Variants in TUBD1 observed in about 807,000 individuals in gnomAD.
The protein encoded by TUBD1 is tubulin delta 1.
A neutral mutation model predicts 51.2 loss-of-function variants in TUBD1; 38 were observed. The observed-to-expected ratio is 0.74, with a 90% CI of 0.57 to 0.97. TUBD1 has a LOEUF of 0.97. Among genes scored for constraint, TUBD1 ranks in the 50% least tolerant of loss-of-function variants. TUBD1 has a pLI of 0.00. For missense variants in TUBD1, 489 were observed against 538.4 expected, an observed-to-expected ratio of 0.91 and a Z score of 0.91; for synonymous variants, 169 against 178.2, an observed-to-expected ratio of 0.95 and a Z score of 0.41.
At chr17:59,889,663 T>C (rs2040899655) in intron 2 of TUBD1, among the ~76,000 whole-genome samples, 1 of 113,284 alleles carries the variant, frequency 8.8e-6, no homozygotes, top group Non-Finnish European at 1.8e-5. Context: ...AGCTAGACTC[T>C]GTCTCAAAAA....
At chr17:59,867,656 C>T (rs2039769555) in intron 6 of TUBD1, among the ~76,000 whole-genome samples, 1 of 152,126 alleles carries the variant, frequency 6.6e-6, no homozygotes, top group African/African-American at 2.4e-5. Context: ...CCACTGCACT[C>T]CAGCCTGGGT....
At chr17:59,871,337 C>T (rs1479597884) in intron 6 of TUBD1, among the ~76,000 whole-genome samples, 1 of 151,982 alleles carries the variant, frequency 6.6e-6, no homozygotes, top group African/African-American at 2.4e-5. Context: ...GTAGCTGGGA[C>T]TACAGGCGCC....
Position 59,874,582 on chromosome 17 carries a change from C to CCA in TUBD1, c.890_891insTG (p.Lys297AsnfsTer4). On this transcript the variant is annotated frameshift_variant, in exon 6 of 9. Coordinates refer to ENST00000325752, the MANE Select transcript of TUBD1 (RefSeq NM_016261.4). LOFTEE classifies it high-confidence loss of function. ...TAGAAATGAGCATCTGTCTCAAATG[C>CCA]TTGAGGAGGCCAGCCCAAGTAAATG... 1 of 1,613,230 alleles carries CCA rather than the reference C, an allele frequency of 6.2e-7. No individual in the cohort carries two copies. The highest frequency in any genetic ancestry group is 8.5e-7 in the Non-Finnish European group (1 of 1,179,874).
intron 8 of TUBD1, among the ~76,000 whole-genome samples, chr17:59,860,955 C>G (rs994013336): frequency 4.0e-5 from 6 of 151,866 alleles, no homozygotes; most frequent in African/African-American, 1.5e-4. Context: ...AGGAGAGGCA[C>G]CCGGGAAAGA....
intron 4 of TUBD1, among the ~76,000 whole-genome samples, chr17:59,879,758 CT>C (rs563555734): frequency 1.5e-4 from 22 of 143,566 alleles, no homozygotes; most frequent in East Asian, 2.1e-4. Context: ...AAAAATTTTT[CT>C]TTTTTTTTTT....
rs1253671838 is a variant in TUBD1 at position 59,891,029 on chromosome 17, C to A, written c.-27G>T. 3 of 1,580,296 alleles carry A rather than the reference C, an allele frequency of 1.9e-6. No homozygotes were observed. The highest frequency in any genetic ancestry group is 3.8e-5 in the Admixed American group (2 of 53,218). ...CTGAGCCACAAACTAGGTGTATTAC[C>A]TCTAAAAACAACCTGTAATCGAAAA... On this transcript the variant is annotated 5_prime_UTR_variant, in exon 2 of 9. It adds an upstream start codon to the 5' untranslated region. Coordinates refer to ENST00000325752, the MANE Select transcript of TUBD1 (RefSeq NM_016261.4).
At chr17:59,891,106 T>A in intron 1 of TUBD1, 65 bp from the exon 2 acceptor site, 1 of 855,444 alleles carries the variant, frequency 1.2e-6, no homozygotes, top group East Asian at 2.6e-5. Flanking sequence ...TAAAATGCCA[T>A]GTATGTTAAT....
intron 6 of TUBD1, among the ~76,000 whole-genome samples, chr17:59,871,741 G>A (rs911099343): frequency 1.3e-5 from 2 of 152,042 alleles, no homozygotes; most frequent in Non-Finnish European, 2.9e-5. Context: ...GATGTCTCTA[G>A]GCAGATAATG....
At chr17:59,862,643 G>A (rs2333626) in intron 8 of TUBD1, among the ~76,000 whole-genome samples, 18,941 of 146,602 alleles carry the variant, frequency 0.13, 1,441 homozygotes, top group Middle Eastern at 0.23. Flanking sequence ...GGGTTCAAGT[G>A]ATTCTCCTGC....
At chr17:59,881,830 G>A (rs2040504056) in intron 3 of TUBD1, among the ~76,000 whole-genome samples, 1 of 151,776 alleles carries the variant, frequency 6.6e-6, no homozygotes, top group South Asian at 2.1e-4. Context: ...AACCACACCA[G>A]GCTAATTTTT....
At chr17:59,882,542 C>T (rs1384899704) in intron 3 of TUBD1, among the ~76,000 whole-genome samples, 2 of 151,956 alleles carry the variant, frequency 1.3e-5, no homozygotes, top group Non-Finnish European at 2.9e-5. Flanking sequence ...CCACTTCAGC[C>T]TCCCAAAGTG....
intron 5 of TUBD1, among the ~76,000 whole-genome samples, chr17:59,877,808 A>C (rs1293986430): frequency 6.6e-6 from 1 of 151,634 alleles, no homozygotes; most frequent in African/African-American, 2.4e-5. Context: ...TGACTTGCAC[A>C]CTTTAAATGG....
In TUBD1 at chr17:59,860,026, T is replaced by TA. The variant is rs1379102798; in HGVS notation, c.*295_*296insT. On this transcript the variant is annotated 3_prime_UTR_variant, in exon 9 of 9. Transcript: ENST00000325752. ...ACTTTGAAAACATTTTTTTTTTTTTTTTTTTTTGAGACGGAGTCTCGCTCT... is the reference window on the plus strand; with the variant it reads ...ACTTTGAAAACATTTTTTTTTTTTTTATTTTTTTGAGACGGAGTCTCGCTCT... The TA allele has an allele frequency of 5.7e-6, 1 of 174,054 alleles. No homozygotes were observed. Among genetic ancestry groups the TA allele is most frequent in the African/African-American group, 2.4e-5 (1 of 41,466 alleles). The allele number at this position is 174,054 out of a possible 1,614,324, so 10.8% of individuals were successfully genotyped here.
rs770248770 is a variant in TUBD1 at position 59,890,945 on chromosome 17, A to T, written c.58T>A (p.Phe20Ile). The part of the protein sequence containing the change: ...QCGNQIGFEV[F>I]DALLSDSHSS... ...TGTGAGTCACTAAGCAAAGCATCAA[A>T]AACTTCAAAACCAATCTGATTGCCA... Residue 20 changes from phenylalanine to isoleucine, a missense_variant, in exon 2 of 9, where the codon TTT becomes ATT. Transcript: ENST00000325752. 1.2e-6 allele frequency: 2 copies of T among 1,614,032 alleles called. No individual in the cohort carries two copies. Among genetic ancestry groups the T allele is most frequent in the South Asian group, 2.2e-5 (2 of 91,066 alleles).
chr17:59,871,420 C>T (rs2039977034), intron 6 of TUBD1, among the ~76,000 whole-genome samples: 1 of 152,062 alleles, frequency 6.6e-6, no homozygotes, highest in Non-Finnish European at 1.5e-5. Context: ...AGGATGGTCT[C>T]GATCTCTGAC....
intron 6 of TUBD1, among the ~76,000 whole-genome samples, chr17:59,868,642 T>A (rs1057077054): frequency 6.6e-6 from 1 of 151,912 alleles, no homozygotes; most frequent in South Asian, 2.1e-4. Flanking sequence ...ATCGAGACCA[T>A]ACTGGCCAAC....
chr17:59,883,075 A>G (rs1295923), intron 3 of TUBD1, among the ~76,000 whole-genome samples: 25,284 of 151,046 alleles, frequency 0.17, 2,451 homozygotes, highest in East Asian at 0.39. Context: ...GAGAGCCACC[A>G]TACCCAGCCG....
intron 4 of TUBD1, among the ~76,000 whole-genome samples, 178 bp downstream of exon 4, chr17:59,880,716 A>G (rs529211891): frequency 2.3e-4 from 35 of 151,770 alleles, no homozygotes; most frequent in African/African-American, 7.2e-4. Context: ...GGGTTTCACC[A>G]TGTTAGCCGG....
At chr17:59,888,741 T>G (rs1468033320) in intron 2 of TUBD1, among the ~76,000 whole-genome samples, 6 of 152,030 alleles carry the variant, frequency 3.9e-5, no homozygotes, top group Non-Finnish European at 7.4e-5. Context: ...TTTTTTTCTT[T>G]TTTGAGACGG....
Sources: allele counts gnomAD v4.1 joint callset (sites outside exome capture counted in the v4.1 genomes callset), GRCh38; gene constraint gnomAD v4.1.1; transcripts MANE v1.5; gene names NCBI Gene and HGNC (gene_info 2026-07-23, HGNC 2026-07-21).